The following DOCK8 variants were observed in gnomAD, a reference collection of about 807,000 sequenced individuals.
DOCK8 encodes dedicator of cytokinesis 8, also known as dedicator of cytokinesis protein 8.
A neutral mutation model predicts 245.6 loss-of-function variants in DOCK8; 141 were observed. That is an observed-to-expected ratio of 0.57 (90% CI 0.50 to 0.66). The LOEUF (loss-of-function observed/expected upper bound fraction) is 0.66. Among genes scored for constraint, DOCK8 ranks in the 30% least tolerant of loss-of-function variants. The probability of loss-of-function intolerance (pLI) is 0.00; values close to 1 mark genes in which losing one functional copy is unlikely to be tolerated. For synonymous variants in DOCK8, 1,168 were observed against 970.2 expected, an observed-to-expected ratio of 1.20 and a Z score of -3.79; for missense variants, 2,965 against 2,603.4, an observed-to-expected ratio of 1.14 and a Z score of -3.02.
At chr9:302,379 C>G (rs549657592) in intron 4 of DOCK8, among the ~76,000 whole-genome samples, 70 of 152,206 alleles carry the variant, frequency 4.6e-4, no homozygotes, top group Non-Finnish European at 9.0e-4. Context: ...AATGTAAGAC[C>G]TAAGATTACA....
chr9:279,989 A>T (rs2048509938), intron 2 of DOCK8, among the ~76,000 whole-genome samples: 1 of 152,136 alleles, frequency 6.6e-6, no homozygotes, highest in South Asian at 2.1e-4. Context: ...AGCTATCTGT[A>T]TACTACACTG....
intron 25 of DOCK8, among the ~76,000 whole-genome samples, chr9:397,602 A>G (rs1455022782): frequency 6.6e-6 from 1 of 151,362 alleles, no homozygotes; most frequent in African/African-American, 2.4e-5. Flanking sequence ...AGGTGGAAGA[A>G]TCGCTTGAGC....
At chr9:212,375 T>G (rs1025613302), upstream of DOCK8, among the ~76,000 whole-genome samples, 5 of 151,938 alleles carry the variant, frequency 3.3e-5, no homozygotes, top group Non-Finnish European at 7.4e-5. Flanking sequence ...AAAACAAAAT[T>G]GAATGACACA....
At chr9:434,155 A>C (rs1385072899) in intron 38 of DOCK8, among the ~76,000 whole-genome samples, 180 bp downstream of exon 38, 1 of 152,192 alleles carries the variant, frequency 6.6e-6, no homozygotes, top group Non-Finnish European at 1.5e-5. Context: ...TTTCAGAAGG[A>C]TCTCCCTAAT....
At chr9:336,931 C>G (rs1017769655) in intron 12 of DOCK8, among the ~76,000 whole-genome samples, 1 of 152,004 alleles carries the variant, frequency 6.6e-6, no homozygotes, top group Non-Finnish European at 1.5e-5. Context: ...CTGAAAAATC[C>G]AAAGTTGAGG....
At chr9:408,859 C>T (rs1240508673) in intron 28 of DOCK8, among the ~76,000 whole-genome samples, 2 of 104,134 alleles carry the variant, frequency 1.9e-5, no homozygotes, top group African/African-American at 9.1e-5. Flanking sequence ...ATACATTCTT[C>T]AAACACACAC....
At position 248,140 on chromosome 9, in the gene DOCK8, A is replaced by T. The variant is rs554537886; in HGVS notation, c.54-23487A>T. ...GCCTCATCTGAGGTGGCTTTCCGTG[A>T]ACAGCATCTCTGAGGTGTCACCTGC... On this transcript the variant is annotated intron_variant, in intron 1 of 47. Transcript: ENST00000432829. Among the ~76,000 whole-genome samples, 295 of 152,314 alleles carry T rather than the reference A, an allele frequency of 1.9e-3. 1 individual carries two copies. The highest frequency in any genetic ancestry group is 0.01 in the Middle Eastern group (3 of 292).
At chr9:281,263 A>T (rs636828) in intron 2 of DOCK8, among the ~76,000 whole-genome samples, 117,979 of 151,914 alleles carry the variant, frequency 0.78, 46,129 homozygotes, top group African/African-American at 0.87. Context: ...AAAAAAAAGT[A>T]GTTTTGGTTT....
intron 14 of DOCK8, among the ~76,000 whole-genome samples, chr9:350,434 A>G (rs2052106218): frequency 6.6e-6 from 1 of 152,132 alleles, no homozygotes; most frequent in East Asian, 1.9e-4. Context: ...CCTGGTTACA[A>G]TACTTTTAAC....
intron 1 of DOCK8, among the ~76,000 whole-genome samples, chr9:233,081 A>T: frequency 6.6e-6 from 1 of 152,116 alleles, no homozygotes; most frequent in Admixed American, 6.6e-5. Flanking sequence ...TGTCCCAGAG[A>T]TTCTGGTATG....
At chr9:264,551 C>T (rs1409310939) in intron 1 of DOCK8, among the ~76,000 whole-genome samples, 1 of 152,296 alleles carries the variant, frequency 6.6e-6, no homozygotes, top group South Asian at 2.1e-4. Context: ...TGTGAGGCCA[C>T]AGGCTGAAGA....
rs1321853728 is a variant in DOCK8 at position 405,046 on chromosome 9, A to T, written c.3363A>T (p.Thr1121=). The change falls in exon 27 of 48, where the codon ACA becomes ACT. Residue 1121 remains threonine, a synonymous_variant. Coordinates refer to ENST00000432829, the MANE Select transcript of DOCK8 (RefSeq NM_203447.4). The part of the protein sequence containing the change: ...LFFMNADTAP[T]SPCPSISSQN... ...TTATGAATGCTGATACTGCTCCAACATCTCCTTGTCCTTCCATATCTTCCC... is the reference window on the plus strand; with the variant it reads ...TTATGAATGCTGATACTGCTCCAACTTCTCCTTGTCCTTCCATATCTTCCC... The T allele has an allele frequency of 1.9e-6, 3 of 1,613,836 alleles. 1 individual carries two copies. In the South Asian group the frequency reaches 3.3e-5, roughly 18 times the overall value.
chr9:273,756 C>T (rs1219187745), intron 2 of DOCK8, among the ~76,000 whole-genome samples: 3 of 150,690 alleles, frequency 2.0e-5, no homozygotes, highest in East Asian at 1.9e-4. Context: ...GGCACCATCT[C>T]GGCTCATCGC....
chr9:267,273 A>T (rs1476658796), intron 1 of DOCK8, among the ~76,000 whole-genome samples: 1 of 152,200 alleles, frequency 6.6e-6, no homozygotes, highest in Non-Finnish European at 1.5e-5. Flanking sequence ...AGGCATGAAC[A>T]CAGTTCACTG....
At chr9:325,465 C>G (rs934788166) in intron 7 of DOCK8, among the ~76,000 whole-genome samples, 2 of 152,176 alleles carry the variant, frequency 1.3e-5, no homozygotes, top group Non-Finnish European at 2.9e-5. Flanking sequence ...GTAATGTCCA[C>G]CATGATCTCA....
intron 1 of DOCK8, among the ~76,000 whole-genome samples, chr9:236,875 GA>G (rs2047263394): frequency 6.6e-6 from 1 of 152,212 alleles, no homozygotes; most frequent in Admixed American, 6.5e-5. Context: ...AAGAGAGAAT[GA>G]AAGATTGTGC....
chr9:244,284 A>G (rs500931), intron 1 of DOCK8, among the ~76,000 whole-genome samples: 31,541 of 151,598 alleles, frequency 0.21, 4,122 homozygotes, highest in East Asian at 0.36. Context: ...CACCACACAC[A>G]CACACACACG....
chr9:323,688 G>A (rs1226777505), intron 7 of DOCK8, among the ~76,000 whole-genome samples: 1 of 152,034 alleles, frequency 6.6e-6, no homozygotes, highest in Non-Finnish European at 1.5e-5. Context: ...CCAGCCCCTG[G>A]CAACTCCCAT....
At chr9:424,013 G>A (rs988535218) in intron 33 of DOCK8, among the ~76,000 whole-genome samples, 10 of 151,406 alleles carry the variant, frequency 6.6e-5, no homozygotes, top group Admixed American at 2.0e-4. Context: ...GTGGGCTGCT[G>A]GTTGTCAGAG....
Sources: gnomAD v4.1 joint callset for allele counts (sites outside exome capture counted in the v4.1 genomes callset) on GRCh38, gnomAD v4.1.1 for gene constraint, MANE v1.5 for transcripts, NCBI Gene and HGNC (gene_info 2026-07-23, HGNC 2026-07-21) for gene names.